Variants in SGCD observed in about 807,000 individuals in gnomAD.
The protein encoded by SGCD is delta-sarcoglycan.
Under a neutral mutation model 36.6 loss-of-function variants are expected in SGCD, and 18 were observed. That is an observed-to-expected ratio of 0.49 (90% CI 0.34 to 0.73). The LOEUF (loss-of-function observed/expected upper bound fraction) is 0.73. Ranked by LOEUF, SGCD falls within the 30% of genes least tolerant of loss-of-function variation. The pLI is 0.01. For missense variants in SGCD, 387 were observed against 346.7 expected (o/e 1.12, Z -0.92); for synonymous variants, 133 against 130.6 (o/e 1.02, Z -0.12).
intron 2 of SGCD, among the ~76,000 whole-genome samples, chr5:156,123,271 G>A (rs1762088939): frequency 6.6e-6 from 1 of 152,108 alleles, no homozygotes; most frequent in African/African-American, 2.4e-5. Context: ...AGATGTACCT[G>A]GTGAGAAAGT....
intron 1 of SGCD, among the ~76,000 whole-genome samples, chr5:155,902,507 G>A (rs959716773): frequency 6.6e-6 from 1 of 151,940 alleles, no homozygotes; most frequent in African/African-American, 2.4e-5. Flanking sequence ...TTTTATCAGG[G>A]TCATATAGTA....
intron 3 of SGCD, among the ~76,000 whole-genome samples, chr5:156,393,043 G>T (rs955095880): frequency 6.6e-6 from 1 of 152,178 alleles, no homozygotes; most frequent in African/African-American, 2.4e-5. Flanking sequence ...CAGGCCCAGG[G>T]TTGGAGCCCT....
intron 3 of SGCD, among the ~76,000 whole-genome samples, chr5:156,157,657 G>T (rs558594311): frequency 7.9e-5 from 12 of 151,778 alleles, no homozygotes; most frequent in East Asian, 7.7e-4. Flanking sequence ...CTCCATTCTG[G>T]TTGTCTTCTC....
At chr5:156,080,292 G>T (rs1236152374) in intron 1 of SGCD, among the ~76,000 whole-genome samples, 1 of 152,196 alleles carries the variant, frequency 6.6e-6, no homozygotes, top group Non-Finnish European at 1.5e-5. Context: ...CTGGGCTTGT[G>T]ATTTGGGCTG....
chr5:156,449,867 A>G (rs1581011770), intron 3 of SGCD, among the ~76,000 whole-genome samples: 3 of 151,492 alleles, frequency 2.0e-5, no homozygotes. Flanking sequence ...AAAAAAAAAA[A>G]AAAAAGAAAC....
intron 1 of SGCD, among the ~76,000 whole-genome samples, chr5:156,056,644 T>TAAAAAAAAAAAAAAAAAAAAAAAAAAA: frequency 1.5e-5 from 1 of 64,768 alleles, no homozygotes; most frequent in East Asian, 1.1e-3. Context: ...CAAATTATCC[T>TAAAAAAAAAAAAAAAAAAAAAAAAAAA]TAAAAAAAAA....
At chr5:156,384,643 T>TA (rs1208494563) in intron 3 of SGCD, among the ~76,000 whole-genome samples, 2 of 145,618 alleles carry the variant, frequency 1.4e-5, no homozygotes, top group African/African-American at 5.4e-5. Flanking sequence ...GAGATGCAAT[T>TA]AAAAAACATC....
At chr5:156,155,994 G>T (rs1270014725) in intron 3 of SGCD, among the ~76,000 whole-genome samples, 1 of 151,598 alleles carries the variant, frequency 6.6e-6, no homozygotes, top group Non-Finnish European at 1.5e-5. Context: ...AAAATCAATT[G>T]ACCTGCCAAA....
At chr5:155,926,198 G>T (rs942240889) in intron 1 of SGCD, among the ~76,000 whole-genome samples, 1 of 152,140 alleles carries the variant, frequency 6.6e-6, no homozygotes, top group Non-Finnish European at 1.5e-5. Flanking sequence ...GTACTGTATG[G>T]ATGAGAATTT....
chr5:156,185,266 G>C (rs867654549), intron 3 of SGCD, among the ~76,000 whole-genome samples: 26 of 145,326 alleles, frequency 1.8e-4, no homozygotes, highest in South Asian at 2.2e-4. Context: ...CCAGGCTGGA[G>C]TGCAGTGGCA....
intron 3 of SGCD, among the ~76,000 whole-genome samples, chr5:156,416,547 G>A (rs1008830611): frequency 1.3e-4 from 20 of 152,124 alleles, no homozygotes; most frequent in Middle Eastern, 6.8e-3. Context: ...AAAAATGGGG[G>A]GGGAAAAAAG....
chr5:155,867,770 T>C (rs530543261), upstream of SGCD, among the ~76,000 whole-genome samples: 2 of 152,340 alleles, frequency 1.3e-5, no homozygotes, highest in Non-Finnish European at 1.5e-5. Flanking sequence ...TGTTATTCTC[T>C]AGGCTTGACA....
intron 4 of SGCD, among the ~76,000 whole-genome samples, chr5:156,564,468 A>G (rs930864777): frequency 6.6e-6 from 1 of 152,062 alleles, no homozygotes; most frequent in African/African-American, 2.4e-5. Context: ...ACAAAACAAA[A>G]CAATTTAATT....
At chr5:155,754,901 T>C in the SGCD span, among the ~76,000 whole-genome samples, 1 of 152,214 alleles carries the variant, frequency 6.6e-6, no homozygotes, top group Admixed American at 6.5e-5. Context: ...CCACATTTGA[T>C]GACTTTCCAG....
At chr5:155,792,700 A>G in the SGCD span, among the ~76,000 whole-genome samples, 10 of 152,178 alleles carry the variant, frequency 6.6e-5, no homozygotes, top group Non-Finnish European at 1.2e-4. Flanking sequence ...CAAAACCACA[A>G]TGAGATACCA....
chr5:156,335,665 G>T (rs978449578), intron 2 of SGCD, among the ~76,000 whole-genome samples: 5 of 151,892 alleles, frequency 3.3e-5, no homozygotes, highest in African/African-American at 4.8e-5. Flanking sequence ...TCCCCCTCCT[G>T]CCCTCCAAGC....
chr5:156,687,170 C>T (rs1174316141), intron 7 of SGCD, among the ~76,000 whole-genome samples: 1 of 152,188 alleles, frequency 6.6e-6, no homozygotes, highest in African/African-American at 2.4e-5. Flanking sequence ...AAAGGCAGGG[C>T]AGGCTAGAGG....
chr5:156,707,849 T>C (rs1211015520), intron 7 of SGCD, among the ~76,000 whole-genome samples: 2 of 152,234 alleles, frequency 1.3e-5, no homozygotes, highest in Admixed American at 6.5e-5. Context: ...CTGCTAGTAA[T>C]AAGTAATTCA....
chr5:155,922,958 G>A (rs79879278), intron 1 of SGCD, among the ~76,000 whole-genome samples: 8 of 152,248 alleles, frequency 5.3e-5, no homozygotes, highest in African/African-American at 1.4e-4. Flanking sequence ...GGAAGGGATC[G>A]ATTTCTTGAT....
Sources: allele counts gnomAD v4.1 joint callset (sites outside exome capture counted in the v4.1 genomes callset), GRCh38; gene constraint gnomAD v4.1.1; transcripts MANE v1.5; gene names NCBI Gene and HGNC (gene_info 2026-07-23, HGNC 2026-07-21).